Variants in PIK3R6 observed in about 807,000 individuals in gnomAD.
PIK3R6 encodes phosphoinositide-3-kinase regulatory subunit 6.
Under a neutral mutation model 84.9 loss-of-function variants are expected in PIK3R6, and 91 were observed. That is an observed-to-expected ratio of 1.07 (90% confidence interval 0.90 to 1.28). The LOEUF is 1.28. Among genes scored for constraint, PIK3R6 ranks in the 50% most tolerant of loss-of-function variants. The pLI, the probability that PIK3R6 is intolerant of heterozygous loss-of-function variation, is 0.00. For missense variants in PIK3R6, 996 were observed against 985.1 expected (o/e 1.01, Z -0.15); for synonymous variants, 416 against 411.4 (o/e 1.01, Z -0.13).
At chr17:8,847,688 A>C (rs944152050) in intron 2 of PIK3R6, among the ~76,000 whole-genome samples, 2 of 152,098 alleles carry the variant, frequency 1.3e-5, no homozygotes, top group African/African-American at 4.8e-5. Context: ...CTGTAATCCC[A>C]GCTACTTGGG....
intron 2 of PIK3R6, among the ~76,000 whole-genome samples, chr17:8,841,166 C>T (rs2088666099): frequency 6.6e-6 from 1 of 151,932 alleles, no homozygotes; most frequent in Non-Finnish European, 1.5e-5. Context: ...AGTCTCCACC[C>T]CCCGCCCCAA....
intron 5 of PIK3R6, 88 bp downstream of exon 5, chr17:8,837,715 C>T (rs966489194): frequency 9.4e-6 from 11 of 1,174,658 alleles, no homozygotes; most frequent in Admixed American, 5.6e-5. Context: ...CTCATCCTGG[C>T]GGAGACTGAG....
At position 8,847,048 on chromosome 17, in the gene PIK3R6, T is replaced by C. The variant is rs139527319; in HGVS notation, c.13+2734A>G. ...TTAATCCTCTGACATTTGGGGCCAT[T>C]TGCTAAAGCAGCTACTATTCTCTGA... is the stretch of plus-strand genomic sequence containing the variant. On this transcript the variant is annotated intron_variant, in intron 2 of 19. Transcript: ENST00000619866. Among the ~76,000 whole-genome samples, 31 of 152,308 alleles carry C rather than the reference T, an allele frequency of 2.0e-4. No homozygotes were observed. The East Asian group carries it at 5.8e-3, about 28-fold the overall frequency.
At chr17:8,813,954 A>C (rs773966261) in intron 18 of PIK3R6, among the ~76,000 whole-genome samples, 11 of 152,186 alleles carry the variant, frequency 7.2e-5, no homozygotes, top group Non-Finnish European at 1.5e-4. Context: ...TGGAAAAGAG[A>C]AAGTGAAATT....
chr17:8,814,064 T>C (rs972031390), intron 18 of PIK3R6, among the ~76,000 whole-genome samples: 6 of 152,072 alleles, frequency 3.9e-5, no homozygotes, highest in African/African-American at 1.4e-4. Flanking sequence ...GACTCATTTC[T>C]GGAAAAACAA....
At chr17:8,866,264 G>A (rs1290199916) in intron 1 of PIK3R6, among the ~76,000 whole-genome samples, 7 of 152,152 alleles carry the variant, frequency 4.6e-5, no homozygotes, top group African/African-American at 9.7e-5. Flanking sequence ...CGGGCCAGGC[G>A]CTGTGGCTCA....
intron 13 of PIK3R6, among the ~76,000 whole-genome samples, chr17:8,825,885 T>C (rs1306017363): frequency 7.2e-5 from 11 of 152,176 alleles, no homozygotes; most frequent in African/African-American, 2.4e-4. Flanking sequence ...GTTACAACTA[T>C]GGGAAAAAAA....
At chr17:8,833,132 C>A in intron 8 of PIK3R6, 87 bp from the exon 9 acceptor site, 1 of 1,442,784 alleles carries the variant, frequency 6.9e-7, no homozygotes, top group African/African-American at 1.4e-5. Context: ...GCCCTGGCAG[C>A]CCAAGGTGAC....
rs140904408 is a variant in PIK3R6, at chr17:8,810,850, G to A, written c.1996-6697C>T. 3.4e-3 allele frequency among the ~76,000 whole-genome samples: 509 copies of A among 148,842 alleles called. 30 individuals carry two copies. The highest frequency in any genetic ancestry group is 6.8e-3 in the Admixed American group (100 of 14,672). On this transcript the variant is annotated intron_variant, in intron 18 of 19. Transcript: ENST00000619866. ...CTCCCAGCTGCTTTTATGGGCTGGC[G>A]TTGAGTGTCTGCAGCTTTTCTAGGC...
intron 18 of PIK3R6, among the ~76,000 whole-genome samples, chr17:8,811,269 C>A (rs950094325): frequency 1.3e-5 from 2 of 148,484 alleles, no homozygotes; most frequent in African/African-American, 2.5e-5. Flanking sequence ...CTAGGCTGCA[C>A]ACAGCACGGG....
chr17:8,807,639 C>A (rs2087242654), intron 18 of PIK3R6, among the ~76,000 whole-genome samples: 3 of 152,078 alleles, frequency 2.0e-5, no homozygotes. Flanking sequence ...TCAGGTCAGG[C>A]AACTAGCGTG....
intron 8 of PIK3R6, among the ~76,000 whole-genome samples, chr17:8,834,559 T>TA (rs2088385356): frequency 6.6e-6 from 1 of 151,790 alleles, no homozygotes; most frequent in African/African-American, 2.4e-5. Context: ...TATTTTTTTT[T>TA]TTTTATTACT....
At chr17:8,829,028 G>C (rs1275430513) in intron 10 of PIK3R6, 38 bp from the exon 11 acceptor site, 1 of 1,480,072 alleles carries the variant, frequency 6.8e-7, no homozygotes, top group African/African-American at 1.4e-5. Context: ...GACACGTGAG[G>C]CTGGCAGGGC....
At chr17:8,841,297 C>T (rs1271651281) in intron 2 of PIK3R6, among the ~76,000 whole-genome samples, 1 of 152,172 alleles carries the variant, frequency 6.6e-6, no homozygotes, top group African/African-American at 2.4e-5. Flanking sequence ...CCCTCTTCTT[C>T]ACTAGGGCTC....
At position 8,833,897 on chromosome 17, in the gene PIK3R6, G is replaced by A. The variant is rs144360284; in HGVS notation, c.646-852C>T. Among the ~76,000 whole-genome samples, 1,347 of 151,822 alleles carry A rather than the reference G, an allele frequency of 8.9e-3. 19 individuals are homozygous for A. Among genetic ancestry groups the A allele is most frequent in the African/African-American group, 0.031 (1,282 of 41,440 alleles). On this transcript the variant is annotated intron_variant, in intron 8 of 19. Transcript: ENST00000619866. ...AAGAGTGAGCCATGCAGCCCAGCGCGGTGGCTCACGCTTGTAATCTCAGCA... is the reference window on the plus strand; with the variant it reads ...AAGAGTGAGCCATGCAGCCCAGCGCAGTGGCTCACGCTTGTAATCTCAGCA...
intron 3 of PIK3R6, 121 bp from the exon 4 acceptor site, chr17:8,838,776 C>A (rs1056573178): frequency 2.2e-6 from 2 of 898,308 alleles, no homozygotes; most frequent in South Asian, 1.6e-5. Context: ...ACGGGTGTGA[C>A]CCCGCCACCA....
chr17:8,818,375 G>A (rs1490198532), intron 18 of PIK3R6, among the ~76,000 whole-genome samples: 2 of 152,178 alleles, frequency 1.3e-5, no homozygotes, highest in Non-Finnish European at 2.9e-5. Flanking sequence ...CTGGCCAGGC[G>A]TGGTGGCTCA....
chr17:8,832,761 A>T, intron 9 of PIK3R6, 128 bp downstream of exon 9: 1 of 1,416,136 alleles, frequency 7.1e-7, no homozygotes, highest in East Asian at 2.3e-5. Context: ...CCCAGTCCCC[A>T]GGCTCCTGGG....
Position 8,823,413 on chromosome 17 carries a change from T to G in PIK3R6, c.1600A>C (p.Ile534Leu), listed in dbSNP as rs374477477. 4 of 1,552,282 alleles carry G rather than the reference T, an allele frequency of 2.6e-6. No homozygotes were observed. Among genetic ancestry groups the G allele is most frequent in the Non-Finnish European group, 3.5e-6 (4 of 1,147,914 alleles). The change falls in exon 14 of 20, where the codon ATC (isoleucine) becomes CTC (leucine). Residue 534 changes from isoleucine (I) to leucine (L), a missense_variant. Transcript: ENST00000619866. ...TYYIRMGTQP[I>L]YFQIYTVKIF... is the part of the protein sequence containing the mutation. ...TTGACTGTGTAGATCTGGAAATAGATGGGTTGGGTGCCCATGCGGATGTAG... is the reference window on the plus strand; with the variant it reads ...TTGACTGTGTAGATCTGGAAATAGAGGGGTTGGGTGCCCATGCGGATGTAG...
Sources: allele counts gnomAD v4.1 joint callset (sites outside exome capture counted in the v4.1 genomes callset), GRCh38; gene constraint gnomAD v4.1.1; transcripts MANE v1.5; gene names NCBI Gene and HGNC (gene_info 2026-07-23, HGNC 2026-07-21).